The following ZNF322 variants were observed in gnomAD, a reference collection of about 807,000 sequenced individuals.
The protein encoded by ZNF322 is zinc finger protein 322.
A neutral mutation model predicts 18.3 loss-of-function variants in ZNF322; 1 was observed. The observed-to-expected ratio is 0.05, with a 90% CI of 0.02 to 0.26. The LOEUF is 0.26. Ranked by LOEUF, ZNF322 falls within the 10% of genes least tolerant of loss-of-function variation. ZNF322 has a pLI of 1.00. For missense variants in ZNF322, 36 were observed against 403.6 expected, an observed-to-expected ratio of 0.09 and a Z score of 7.80; for synonymous variants, 17 against 130.7, an observed-to-expected ratio of 0.13 and a Z score of 5.93.
At position 26,646,335 on chromosome 6, in the gene ZNF322, T is replaced by C. The variant is rs1554148756; in HGVS notation, c.-245-2607A>G. ...ACAAGAGACACCTAAAGCAAAGTGA[T>C]TCAGGCAGGCTAAAAATAAGGAGGT... On this transcript the variant is annotated intron_variant, in intron 2 of 3. Coordinates refer to ENST00000415922, the MANE Select transcript of ZNF322 (RefSeq NM_024639.5). Among the ~76,000 whole-genome samples, 15 of 152,116 alleles carry C rather than the reference T, an allele frequency of 9.9e-5. 1 individual carries two copies. The highest frequency in any genetic ancestry group is 2.2e-4 in the Non-Finnish European group (15 of 68,020).
At chr6:26,653,972 ACT>A (rs1554149479) in intron 2 of ZNF322, among the ~76,000 whole-genome samples, 1 of 152,188 alleles carries the variant, frequency 6.6e-6, no homozygotes, top group East Asian at 1.9e-4. Flanking sequence ...AAAAAAAATA[ACT>A]CTAACACAAT....
At chr6:26,651,210 T>C (rs532559091) in intron 2 of ZNF322, among the ~76,000 whole-genome samples, 71 of 151,342 alleles carry the variant, frequency 4.7e-4, no homozygotes, top group Non-Finnish European at 8.2e-4. Flanking sequence ...AGACAGTCTT[T>C]TCAACAAATG....
rs1188049473 is a variant in ZNF322, at chr6:26,656,997, C to T, written c.-246+1561G>A. 5.3e-5 allele frequency among the ~76,000 whole-genome samples: 8 copies of T among 152,144 alleles called. No homozygotes were observed. In the East Asian group the frequency reaches 9.7e-4, roughly 18 times the overall value. On this transcript the variant is annotated intron_variant, in intron 2 of 3. Coordinates refer to ENST00000415922, the MANE Select transcript of ZNF322 (RefSeq NM_024639.5). ...GGCGTGGTGGCTCATGCCTGTAATC[C>T]GAGCACTTCGGGAAGCCGAGGCTGG...
chr6:26,648,597 G>T (rs1765596329), intron 2 of ZNF322, among the ~76,000 whole-genome samples: 1 of 152,102 alleles, frequency 6.6e-6, no homozygotes, highest in South Asian at 2.1e-4. Flanking sequence ...ATGGTAGCAG[G>T]ATATAAAATT....
chr6:26,654,299 T>C (rs1379627955), intron 2 of ZNF322, among the ~76,000 whole-genome samples: 1 of 152,204 alleles, frequency 6.6e-6, no homozygotes, highest in Non-Finnish European at 1.5e-5. Flanking sequence ...TATTTTTTTT[T>C]CCTAGTAATG....
At chr6:26,642,608 T>C (rs1765485143) in intron 3 of ZNF322, among the ~76,000 whole-genome samples, 1 of 152,168 alleles carries the variant, frequency 6.6e-6, no homozygotes, top group African/African-American at 2.4e-5. Flanking sequence ...CAGAACTCCT[T>C]AGACTACAAG....
chr6:26,643,503 A>G lies in ZNF322; in HGVS notation c.-176+156T>C, dbSNP rs547738805. 3.0e-4 allele frequency among the ~76,000 whole-genome samples: 46 copies of G among 152,362 alleles called. No homozygotes were observed. In the East Asian group the frequency reaches 7.9e-3, roughly 26 times the overall value. On this transcript the variant is annotated intron_variant, in intron 3 of 3. Transcript: ENST00000415922. The stretch of plus-strand genomic sequence containing the variant: ...GGTACAAAGTTGGTGCTTAATAAGC[A>G]TCTGCTGAGTACATGTATGAATTCT...
At chr6:26,641,713 G>C (rs1765469245) in intron 3 of ZNF322, among the ~76,000 whole-genome samples, 2 of 152,182 alleles carry the variant, frequency 1.3e-5, no homozygotes, top group Admixed American at 6.5e-5. Context: ...AAATGTGTTT[G>C]CAAGCAGTAT....
chr6:26,642,166 G>A (rs1554148370), intron 3 of ZNF322, among the ~76,000 whole-genome samples: 1 of 152,156 alleles, frequency 6.6e-6, no homozygotes, highest in Non-Finnish European at 1.5e-5. Context: ...TGCACATCCA[G>A]GCACAGCACC....
At chr6:26,658,433 G>C (rs1229726084) in intron 2 of ZNF322, 125 bp downstream of exon 2, 2 of 151,922 alleles carry the variant, frequency 1.3e-5, no homozygotes, top group African/African-American at 4.8e-5. Context: ...TGCTATCTTA[G>C]GAGCTAAGAA....
rs1332600233 is a variant in ZNF322 at position 26,636,448 on chromosome 6, G to A, written c.*897C>T. On this transcript the variant is annotated 3_prime_UTR_variant, in exon 4 of 4. Coordinates refer to ENST00000415922, the MANE Select transcript of ZNF322 (RefSeq NM_024639.5). Reference sequence around the variant, plus strand: ...TAGCTTCTCCCAGAACAAGCTTCTGGGTATCTAAAAAACTATTTTCATACT... The same window carrying A: ...TAGCTTCTCCCAGAACAAGCTTCTGAGTATCTAAAAAACTATTTTCATACT... 2 of 145,476 alleles carry A rather than the reference G, an allele frequency of 1.4e-5. No individual in the cohort carries two copies. Among genetic ancestry groups the A allele is most frequent in the Non-Finnish European group, 3.0e-5 (2 of 66,272 alleles). The allele number at this position is 145,476 out of a possible 1,614,324, so 9.0% of individuals were successfully genotyped here.
intron 2 of ZNF322, among the ~76,000 whole-genome samples, chr6:26,645,660 T>C (rs1554148656): frequency 2.0e-5 from 3 of 152,050 alleles, no homozygotes; most frequent in African/African-American, 7.2e-5. Context: ...AAGAAAAATT[T>C]TAGAAACCCT....
chr6:26,641,889 G>A lies in ZNF322; in HGVS notation c.-176+1770C>T, dbSNP rs139512595. Among the ~76,000 whole-genome samples the A allele has an allele frequency of 7.2e-5, 11 of 152,232 alleles. No individual in the cohort carries two copies. In the East Asian group the frequency reaches 1.9e-3, roughly 27 times the overall value. On this transcript the variant is annotated intron_variant, in intron 3 of 3. Transcript: ENST00000415922. ...CTCGTGGGAAGGGAAAGATCTTACC[G>A]TCCCCTAGCCCGACACCCGTAAAGG...
chr6:26,649,690 TATATA>T (rs1561924919), intron 2 of ZNF322, among the ~76,000 whole-genome samples: 5 of 82,550 alleles, frequency 6.1e-5, no homozygotes, highest in South Asian at 4.2e-4. Flanking sequence ...TATATATATA[TATATA>T]TATATATTTT....
rs1268488204 is a variant in ZNF322 at position 26,649,671 on chromosome 6, GTGTGTATATA to G, written c.-245-5953_-245-5944del. Among the ~76,000 whole-genome samples the G allele has an allele frequency of 1.6e-3, 62 of 37,834 alleles. 2 individuals carry two copies. Among genetic ancestry groups the G allele is most frequent in the South Asian group, 4.5e-3 (4 of 882 alleles). 24.8% of individuals were successfully genotyped at this position (37,834 alleles called of 152,430 possible). On this transcript the variant is annotated intron_variant, in intron 2 of 3. Coordinates refer to ENST00000415922, the MANE Select transcript of ZNF322 (RefSeq NM_024639.5). ...TGTGTGTGTGTGTGTGTGTGTGTGT[GTGTGTATATA>G]TATATATATATATATATATATTTTT...
At chr6:26,656,998 G>A (rs546686829) in intron 2 of ZNF322, among the ~76,000 whole-genome samples, 4 of 152,204 alleles carry the variant, frequency 2.6e-5, no homozygotes, top group African/African-American at 7.2e-5. Context: ...CCTGTAATCC[G>A]AGCACTTCGG....
At chr6:26,655,830 C>G (rs1320634892) in intron 2 of ZNF322, among the ~76,000 whole-genome samples, 1 of 152,178 alleles carries the variant, frequency 6.6e-6, no homozygotes, top group Admixed American at 6.5e-5. Flanking sequence ...TGCCCTTTTG[C>G]CATGAAATGA....
chr6:26,639,964 T>C (rs782404137), intron 3 of ZNF322, among the ~76,000 whole-genome samples: 1 of 152,180 alleles, frequency 6.6e-6, no homozygotes, highest in Non-Finnish European at 1.5e-5. Context: ...AATCTAAGGA[T>C]AGCCTTTCCA....
chr6:26,655,366 T>G (rs2451716), intron 2 of ZNF322, among the ~76,000 whole-genome samples: 98,941 of 152,026 alleles, frequency 0.65, 32,684 homozygotes, highest in East Asian at 0.78. Context: ...TTGTTTTTAG[T>G]AAATATACAA....
Sources: gnomAD v4.1 joint callset for allele counts (sites outside exome capture counted in the v4.1 genomes callset) on GRCh38, gnomAD v4.1.1 for gene constraint, MANE v1.5 for transcripts, NCBI Gene and HGNC (gene_info 2026-07-23, HGNC 2026-07-21) for gene names.